ST6GALNAC3: variants seen among roughly 807,000 people sequenced by gnomAD.
The protein encoded by ST6GALNAC3 is alpha-N-acetylgalactosaminide alpha-2,6-sialyltransferase 3.
Under a neutral mutation model 32.7 loss-of-function variants are expected in ST6GALNAC3, and 25 were observed. The observed-to-expected ratio is 0.76, with a 90% confidence interval of 0.56 to 1.07. The LOEUF (loss-of-function observed/expected upper bound fraction) is 1.07. Among genes scored for constraint, ST6GALNAC3 ranks in the 50% least tolerant of loss-of-function variants. The pLI is 0.00. For synonymous variants in ST6GALNAC3, 129 were observed against 133.1 expected (o/e 0.97, Z 0.21); for missense variants, 355 against 382.4 (o/e 0.93, Z 0.60).
intron 3 of ST6GALNAC3, among the ~76,000 whole-genome samples, chr1:76,613,214 C>G (rs1317588846): frequency 6.6e-6 from 1 of 152,078 alleles, no homozygotes; most frequent in African/African-American, 2.4e-5. Context: ...TGATATTTCC[C>G]CTCGTGATTT....
chr1:76,410,467 C>T (rs961002798), intron 2 of ST6GALNAC3, among the ~76,000 whole-genome samples: 1 of 151,880 alleles, frequency 6.6e-6, no homozygotes, highest in African/African-American at 2.4e-5. Flanking sequence ...ACACACATAC[C>T]TCTTAACCTC....
At chr1:76,273,069 G>T (rs1471405879) in intron 1 of ST6GALNAC3, among the ~76,000 whole-genome samples, 1 of 152,064 alleles carries the variant, frequency 6.6e-6, no homozygotes, top group African/African-American at 2.4e-5. Flanking sequence ...TATTATAAAA[G>T]ACATGTATCT....
chr1:76,308,320 G>C (rs1661190334), intron 1 of ST6GALNAC3, among the ~76,000 whole-genome samples: 2 of 152,208 alleles, frequency 1.3e-5, no homozygotes, highest in African/African-American at 4.8e-5. Context: ...GCCTGGTACT[G>C]TGTTCTGCAT....
intron 3 of ST6GALNAC3, among the ~76,000 whole-genome samples, chr1:76,578,712 T>G (rs927572381): frequency 1.3e-5 from 2 of 152,016 alleles, no homozygotes; most frequent in Non-Finnish European, 2.9e-5. Flanking sequence ...CTCATTCACA[T>G]GGACTCGTTT....
chr1:76,387,516 AAT>A, intron 2 of ST6GALNAC3, among the ~76,000 whole-genome samples: 1 of 152,200 alleles, frequency 6.6e-6, no homozygotes, highest in Non-Finnish European at 1.5e-5. Flanking sequence ...AAGGCTGTAG[AAT>A]TTTTTCGTGT....
chr1:76,371,390 T>C (rs1429879998), intron 2 of ST6GALNAC3, among the ~76,000 whole-genome samples: 1 of 152,066 alleles, frequency 6.6e-6, no homozygotes, highest in Non-Finnish European at 1.5e-5. Flanking sequence ...ACACATGACA[T>C]TGAATAAGGG....
chr1:76,401,654 G>A (rs1653428094), intron 2 of ST6GALNAC3, among the ~76,000 whole-genome samples: 1 of 152,036 alleles, frequency 6.6e-6, no homozygotes, highest in Middle Eastern at 3.2e-3. Flanking sequence ...TTTTTCTTTG[G>A]TTGTTCTAGG....
intron 1 of ST6GALNAC3, among the ~76,000 whole-genome samples, chr1:76,260,318 C>T (rs1414072311): frequency 3.3e-5 from 5 of 152,208 alleles, no homozygotes; most frequent in African/African-American, 4.8e-5. Context: ...CAGCCTTAAG[C>T]GTATTCTTTG....
chr1:76,551,245 G>A (rs764009842), intron 3 of ST6GALNAC3, among the ~76,000 whole-genome samples: 2 of 152,148 alleles, frequency 1.3e-5, no homozygotes, highest in Admixed American at 6.5e-5. Flanking sequence ...TGAATTTCAA[G>A]ATCAGCTTAT....
chr1:76,329,985 T>G (rs1647158522), intron 2 of ST6GALNAC3, among the ~76,000 whole-genome samples: 1 of 151,252 alleles, frequency 6.6e-6, no homozygotes, highest in Admixed American at 6.6e-5. Context: ...ATTTTTGTAT[T>G]TTCATTAGAG....
chr1:76,429,414 T>C (rs987372108), intron 3 of ST6GALNAC3, among the ~76,000 whole-genome samples: 2 of 152,188 alleles, frequency 1.3e-5, no homozygotes, highest in Non-Finnish European at 2.9e-5. Context: ...TGCTAGTATT[T>C]ACTATTATTA....
chr1:76,312,386 A>G (rs926585300), intron 1 of ST6GALNAC3, among the ~76,000 whole-genome samples: 1 of 152,168 alleles, frequency 6.6e-6, no homozygotes, highest in Non-Finnish European at 1.5e-5. Context: ...TGACTAAAAC[A>G]CCAAAAGCAA....
intron 1 of ST6GALNAC3, among the ~76,000 whole-genome samples, chr1:76,114,946 A>G (rs1346531678): frequency 3.9e-5 from 6 of 152,104 alleles, no homozygotes; most frequent in South Asian, 2.1e-4. Context: ...AAAAAGAAAA[A>G]AAAGGTAGGT....
intron 1 of ST6GALNAC3, among the ~76,000 whole-genome samples, chr1:76,303,279 GC>G (rs537327839): frequency 3.9e-5 from 6 of 151,994 alleles, no homozygotes; most frequent in Non-Finnish European, 8.8e-5. Context: ...GTTGCAAAAA[GC>G]AACCAATCAG....
intron 1 of ST6GALNAC3, among the ~76,000 whole-genome samples, chr1:76,150,138 T>G (rs936640928): frequency 1.3e-5 from 2 of 152,142 alleles, no homozygotes; most frequent in Admixed American, 1.3e-4. Flanking sequence ...TCTAATATCT[T>G]ACAGCACTGC....
In ST6GALNAC3 at chr1:76,147,288, C is replaced by T. The variant is rs548570318; in HGVS notation, c.18+72404C>T. Among the ~76,000 whole-genome samples the T allele has an allele frequency of 7.9e-5, 12 of 152,274 alleles. No individual in the cohort carries two copies. The South Asian group carries it at 1.0e-3, about 13-fold the overall frequency. Reference sequence around the variant, plus strand: ...ATGTTGGCCAGGCTGGTCTCGAACTCCTGACCTCAGGTGATCCAACTGCCT... The same window carrying T: ...ATGTTGGCCAGGCTGGTCTCGAACTTCTGACCTCAGGTGATCCAACTGCCT... On this transcript the variant is annotated intron_variant, in intron 1 of 4. Coordinates refer to ENST00000328299, the MANE Select transcript of ST6GALNAC3 (RefSeq NM_152996.4).
At chr1:76,579,694 G>A (rs1040450061) in intron 3 of ST6GALNAC3, among the ~76,000 whole-genome samples, 5 of 151,948 alleles carry the variant, frequency 3.3e-5, no homozygotes, top group Admixed American at 2.0e-4. Context: ...GCTTCTCACA[G>A]TCTAGTTTTT....
chr1:76,605,697 A>T (rs1348935605), intron 3 of ST6GALNAC3, among the ~76,000 whole-genome samples: 3 of 151,474 alleles, frequency 2.0e-5, no homozygotes, highest in Non-Finnish European at 4.4e-5. Context: ...AAACCCCGTT[A>T]CTACTAAAAA....
chr1:76,611,386 G>A (rs886773448), intron 3 of ST6GALNAC3, among the ~76,000 whole-genome samples: 3 of 151,860 alleles, frequency 2.0e-5, no homozygotes, highest in East Asian at 1.9e-4. Flanking sequence ...ACCAAATATC[G>A]GTTGTGTTTC....
Sources: allele counts gnomAD v4.1 joint callset (sites outside exome capture counted in the v4.1 genomes callset), GRCh38; gene constraint gnomAD v4.1.1; transcripts MANE v1.5; gene names NCBI Gene and HGNC (gene_info 2026-07-23, HGNC 2026-07-21).